Variants in ZEB1 observed in about 807,000 individuals in gnomAD.
ZEB1 encodes the protein zinc finger E-box-binding homeobox 1.
A neutral mutation model predicts 84.9 loss-of-function variants in ZEB1; 21 were observed. That is an observed-to-expected ratio of 0.25 (90% CI 0.18 to 0.36). ZEB1 has a LOEUF of 0.36. Ranked by LOEUF, ZEB1 falls within the 10% of genes least tolerant of loss-of-function variation. ZEB1 has a pLI of 1.00. For missense variants in ZEB1, 1,104 were observed against 1,330.2 expected (o/e 0.83, Z 2.65); for synonymous variants, 420 against 471.1 (o/e 0.89, Z 1.41).
intron 1 of ZEB1, among the ~76,000 whole-genome samples, chr10:31,337,754 C>G (rs759180670): frequency 1.4e-5 from 2 of 139,464 alleles, no homozygotes; most frequent in Non-Finnish European, 3.0e-5. Context: ...GGCGCAATCT[C>G]GGCTCACTGC....
intron 1 of ZEB1, among the ~76,000 whole-genome samples, chr10:31,456,965 T>C (rs2061312170): frequency 6.6e-6 from 1 of 152,180 alleles, no homozygotes; most frequent in South Asian, 2.1e-4. Flanking sequence ...TCAACATGTC[T>C]TTACATTCTG....
intron 1 of ZEB1, among the ~76,000 whole-genome samples, chr10:31,382,083 G>A (rs1203262516): frequency 6.9e-6 from 1 of 143,954 alleles, no homozygotes; most frequent in Non-Finnish European, 1.5e-5. Flanking sequence ...TGAGAGTCAA[G>A]AGACATGGCC....
intron 1 of ZEB1, among the ~76,000 whole-genome samples, chr10:31,401,823 G>T (rs1246980045): frequency 6.6e-6 from 1 of 152,092 alleles, no homozygotes; most frequent in African/African-American, 2.4e-5. Flanking sequence ...ACAGTTTGGT[G>T]CAGTCTTACA....
intron 1 of ZEB1, among the ~76,000 whole-genome samples, chr10:31,439,380 T>C (rs1378124173): frequency 3.9e-5 from 6 of 152,192 alleles, no homozygotes; most frequent in African/African-American, 1.4e-4. Flanking sequence ...ATTTTAAATT[T>C]TGATAAATAT....
intron 3 of ZEB1, among the ~76,000 whole-genome samples, chr10:31,497,205 T>C (rs1249056475): frequency 1.3e-5 from 2 of 152,110 alleles, no homozygotes; most frequent in Non-Finnish European, 2.9e-5. Flanking sequence ...CGTTAAACTT[T>C]GATGACTTAT....
chr10:31,412,309 A>T (rs1039032293), intron 1 of ZEB1, among the ~76,000 whole-genome samples: 3 of 152,108 alleles, frequency 2.0e-5, no homozygotes, highest in Non-Finnish European at 4.4e-5. Flanking sequence ...TGTGCACAAC[A>T]TGCAGGTTTG....
chr10:31,497,143 A>C (rs182282421), intron 3 of ZEB1, among the ~76,000 whole-genome samples: 3,213 of 152,186 alleles, frequency 0.021, 48 homozygotes, highest in South Asian at 0.055. Flanking sequence ...GTTAGTAGTA[A>C]TACAGTAGTG....
Position 31,360,979 on chromosome 10 carries a change from G to A in ZEB1, c.58+41687G>A, listed in dbSNP as rs570471175. ...TATGGCGACCGCCACGGAGCAGTGG[G>A]TTCTGGTGGAGATGGTACAGGCGCT... On this transcript the variant is annotated intron_variant, in intron 1 of 8. Coordinates refer to ENST00000424869, the MANE Select transcript of ZEB1 (RefSeq NM_001174096.2). 50 of 1,605,472 alleles carry A rather than the reference G, an allele frequency of 3.1e-5. No homozygotes were observed. In the African/African-American group the frequency reaches 6.3e-4, roughly 20 times the overall value.
chr10:31,358,789 A>T (rs1220288117), intron 1 of ZEB1, among the ~76,000 whole-genome samples: 3 of 152,196 alleles, frequency 2.0e-5, no homozygotes, highest in Non-Finnish European at 4.4e-5. Flanking sequence ...TAACCAGCCA[A>T]CCATATATCT....
intron 1 of ZEB1, chr10:31,360,828 C>T (rs182112038): frequency 3.5e-5 from 25 of 724,288 alleles, no homozygotes; most frequent in Non-Finnish European, 1.7e-5. Context: ...TAAAATCTCA[C>T]AGAGTTCTCA....
intron 1 of ZEB1, among the ~76,000 whole-genome samples, chr10:31,359,589 A>G (rs1223676177): frequency 2.6e-5 from 4 of 152,104 alleles, no homozygotes; most frequent in African/African-American, 9.7e-5. Flanking sequence ...ATTTTTCTCT[A>G]TGTTTGTAAT....
chr10:31,507,165 C>T (rs2069124081), intron 4 of ZEB1, among the ~76,000 whole-genome samples: 1 of 152,108 alleles, frequency 6.6e-6, no homozygotes, highest in South Asian at 2.1e-4. Context: ...TCATTTCTTT[C>T]TCTCCTTGCC....
intron 1 of ZEB1, among the ~76,000 whole-genome samples, chr10:31,377,444 CTTA>C (rs1304694000): frequency 2.0e-5 from 3 of 151,598 alleles, no homozygotes; most frequent in Admixed American, 1.3e-4. Context: ...TCTCAGTACC[CTTA>C]TTATATATAT....
intron 1 of ZEB1, among the ~76,000 whole-genome samples, chr10:31,402,800 C>T (rs1477651891): frequency 2.6e-5 from 4 of 152,030 alleles, no homozygotes; most frequent in Admixed American, 1.3e-4. Context: ...GACTTGACAC[C>T]GGAAGTGCCA....
chr10:31,441,085 G>C (rs977873285), intron 1 of ZEB1, among the ~76,000 whole-genome samples: 1 of 151,968 alleles, frequency 6.6e-6, no homozygotes, highest in Non-Finnish European at 1.5e-5. Context: ...CCAAAAAAGA[G>C]CCCACATTGC....
chr10:31,377,613 C>G (rs2046879120), intron 1 of ZEB1, among the ~76,000 whole-genome samples: 1 of 151,636 alleles, frequency 6.6e-6, no homozygotes, highest in Non-Finnish European at 1.5e-5. Flanking sequence ...TTTACATGTA[C>G]TATTTCAAGG....
intron 1 of ZEB1, among the ~76,000 whole-genome samples, chr10:31,382,032 A>C (rs995061624): frequency 4.0e-5 from 6 of 149,546 alleles, no homozygotes; most frequent in African/African-American, 1.3e-4. Flanking sequence ...AAAAAAAAAA[A>C]AACAAAGTAA....
chr10:31,339,839 G>T (rs1190200523), intron 1 of ZEB1, among the ~76,000 whole-genome samples: 4 of 151,586 alleles, frequency 2.6e-5, no homozygotes, highest in Non-Finnish European at 4.4e-5. Flanking sequence ...CAGATAATTT[G>T]GGATGTTCAC....
intron 1 of ZEB1, among the ~76,000 whole-genome samples, chr10:31,408,300 G>A (rs1175895774): frequency 0.016 from 2,482 of 150,642 alleles, 52 homozygotes; most frequent in African/African-American, 0.057. Flanking sequence ...AATCAATATC[G>A]TGAAAATGGC....
Sources: allele counts gnomAD v4.1 joint callset (sites outside exome capture counted in the v4.1 genomes callset), GRCh38; gene constraint gnomAD v4.1.1; transcripts MANE v1.5; gene names NCBI Gene and HGNC (gene_info 2026-07-23, HGNC 2026-07-21).